The following PTPRM variants were observed in gnomAD, a reference collection of about 807,000 sequenced individuals.
The protein encoded by PTPRM is receptor-type tyrosine-protein phosphatase mu.
A neutral mutation model predicts 186.7 loss-of-function variants in PTPRM; 47 were observed. That is an observed-to-expected ratio of 0.25 (90% CI 0.20 to 0.32). PTPRM has a LOEUF of 0.32. PTPRM is among the 10% of genes least tolerant of loss of function. The pLI, the probability that PTPRM is intolerant of heterozygous loss-of-function variation, is 1.00. For synonymous variants in PTPRM, 668 were observed against 674.9 expected, an observed-to-expected ratio of 0.99 and a Z score of 0.16; for missense variants, 1,494 against 1,865.0, an observed-to-expected ratio of 0.80 and a Z score of 3.66.
rs115698083 is a variant in PTPRM, at chr18:8,141,507, A to C, written c.2168-2140A>C. Among the ~76,000 whole-genome samples, 1,214 of 151,862 alleles carry C rather than the reference A, an allele frequency of 8.0e-3. 11 individuals are homozygous for C. Among genetic ancestry groups the C allele is most frequent in the African/African-American group, 0.028 (1,171 of 41,382 alleles). The stretch of plus-strand genomic sequence containing the variant: ...AGGGGATGAAAGGCTGCAGGTAACC[A>C]CCCCTCCTTGGCCCAAAGCAGAATA... On this transcript the variant is annotated intron_variant, in intron 13 of 32. Coordinates refer to ENST00000580170, the MANE Select transcript of PTPRM (RefSeq NM_001105244.2).
At chr18:7,789,038 T>G (rs2043216672) in intron 2 of PTPRM, among the ~76,000 whole-genome samples, 1 of 152,170 alleles carries the variant, frequency 6.6e-6, no homozygotes, top group African/African-American at 2.4e-5. Flanking sequence ...AAGAATATCT[T>G]GGGCTGGGCA....
At chr18:7,805,804 G>A (rs1005510569) in intron 2 of PTPRM, among the ~76,000 whole-genome samples, 1 of 152,164 alleles carries the variant, frequency 6.6e-6, no homozygotes, top group African/African-American at 2.4e-5. Context: ...TGAGGAGGCT[G>A]TCTTTTTTTC....
chr18:7,889,220 A>G (rs2048935113), intron 3 of PTPRM, among the ~76,000 whole-genome samples: 1 of 152,146 alleles, frequency 6.6e-6, no homozygotes, highest in Admixed American at 6.5e-5. Context: ...AAAAAATACA[A>G]TTCAAAATTT....
At chr18:8,229,792 T>C (rs1301617811) in intron 14 of PTPRM, among the ~76,000 whole-genome samples, 2 of 152,216 alleles carry the variant, frequency 1.3e-5, no homozygotes, top group African/African-American at 4.8e-5. Flanking sequence ...ATGACTATTA[T>C]TTGAACCTCT....
chr18:8,296,494 C>G lies in PTPRM; in HGVS notation c.2842+39C>G, dbSNP rs988243183. 5 of 1,460,834 alleles carry G rather than the reference C, an allele frequency of 3.4e-6. No homozygotes were observed. In the African/African-American group the frequency reaches 7.0e-5, roughly 20 times the overall value. The allele number at this position is 1,460,834 out of a possible 1,614,324, so 90.5% of individuals were successfully genotyped here. A position where few individuals can be genotyped will look rare whatever the true frequency, so the allele number is the denominator to read the frequency against. ...GTGTCATTGTGCTGTTGTAGAACTT[C>G]CTTTTTGCATCTAGTAAGATTGACC... On this transcript the variant is annotated intron_variant, in intron 20 of 32. Coordinates refer to ENST00000580170, the MANE Select transcript of PTPRM (RefSeq NM_001105244.2).
chr18:7,713,732 G>T (rs2040262049), intron 1 of PTPRM, among the ~76,000 whole-genome samples: 1 of 150,688 alleles, frequency 6.6e-6, no homozygotes, highest in Non-Finnish European at 1.5e-5. Flanking sequence ...CGCAATCCTG[G>T]TTTCTGATAA....
In PTPRM at chr18:8,277,185, T is replaced by C. The variant is rs192619908; in HGVS notation, c.2755-19183T>C. ...CTCCTGGCCTCAAGTGAGCCACCCA[T>C]CTTGGCCTCCCAAAGTGCTCCTAAA... On this transcript the variant is annotated intron_variant, in intron 19 of 32. Coordinates refer to ENST00000580170, the MANE Select transcript of PTPRM (RefSeq NM_001105244.2). Among the ~76,000 whole-genome samples the C allele has an allele frequency of 1.3e-3, 205 of 152,274 alleles. 2 individuals are homozygous for C. The highest frequency in any genetic ancestry group is 4.8e-3 in the African/African-American group (199 of 41,560).
At chr18:7,908,803 G>C (rs1414694144) in intron 4 of PTPRM, among the ~76,000 whole-genome samples, 1 of 152,178 alleles carries the variant, frequency 6.6e-6, no homozygotes, top group African/African-American at 2.4e-5. Flanking sequence ...TTAGGAAGCA[G>C]AATGCAATTA....
chr18:8,302,659 C>G (rs2095172042), intron 20 of PTPRM, among the ~76,000 whole-genome samples: 2 of 151,818 alleles, frequency 1.3e-5, no homozygotes, highest in Admixed American at 1.3e-4. Context: ...AGTAATGGAC[C>G]CAACCGAAAG....
chr18:8,040,360 T>C (rs2086616731), intron 7 of PTPRM, among the ~76,000 whole-genome samples: 1 of 152,080 alleles, frequency 6.6e-6, no homozygotes. Flanking sequence ...TGTAGGATGG[T>C]TGGGTATGAC....
rs577510950 is a variant in PTPRM at position 8,187,422 on chromosome 18, G to C, written c.2300+43643G>C. 4.6e-5 allele frequency among the ~76,000 whole-genome samples: 7 copies of C among 152,334 alleles called. No individual in the cohort carries two copies. The East Asian group carries it at 1.4e-3, about 29-fold the overall frequency. On this transcript the variant is annotated intron_variant, in intron 14 of 32. Coordinates refer to ENST00000580170, the MANE Select transcript of PTPRM (RefSeq NM_001105244.2). ...ACTGGTAGAGCGGGCAAAGCCTGGT[G>C]GGCAAGGCGGTGGCAGACGTGGGCT...
At chr18:8,376,403 AAGC>A in intron 25 of PTPRM, 56 bp from the exon 26 acceptor site, 3 of 1,609,568 alleles carry the variant, frequency 1.9e-6, no homozygotes, top group Non-Finnish European at 2.5e-6. Flanking sequence ...AAAATTTAAA[AAGC>A]AGCAGCAGCA....
chr18:7,662,051 G>A (rs1357420321), intron 1 of PTPRM, among the ~76,000 whole-genome samples: 1 of 152,080 alleles, frequency 6.6e-6, no homozygotes, highest in East Asian at 1.9e-4. Flanking sequence ...CTGAATAGTG[G>A]GGACCACAGG....
At chr18:7,972,240 G>A (rs368465911) in intron 7 of PTPRM, among the ~76,000 whole-genome samples, 1 of 127,406 alleles carries the variant, frequency 7.8e-6, no homozygotes, top group African/African-American at 4.0e-5. Context: ...ATATTCTCAC[G>A]CATAGGTGGG....
At chr18:8,301,628 A>G (rs143257646) in intron 20 of PTPRM, among the ~76,000 whole-genome samples, 6 of 152,304 alleles carry the variant, frequency 3.9e-5, no homozygotes, top group Non-Finnish European at 1.5e-5. Flanking sequence ...TTCTTTCAAC[A>G]GATATTTGCT....
chr18:8,107,139 A>T (rs1351063564), intron 11 of PTPRM, among the ~76,000 whole-genome samples: 1 of 152,232 alleles, frequency 6.6e-6, no homozygotes, highest in Non-Finnish European at 1.5e-5. Context: ...TTATACTTTC[A>T]TAATCATGTG....
chr18:8,099,803 G>A (rs1244563671), intron 11 of PTPRM, among the ~76,000 whole-genome samples: 3 of 152,128 alleles, frequency 2.0e-5, no homozygotes, highest in African/African-American at 7.2e-5. Flanking sequence ...AGAACACGTG[G>A]CACAGACACA....
intron 2 of PTPRM, among the ~76,000 whole-genome samples, chr18:7,842,947 T>TATAGAGAGAGAGAGAGAGAGAG (rs370746043): frequency 8.9e-6 from 1 of 112,118 alleles, no homozygotes; most frequent in African/African-American, 4.2e-5. Flanking sequence ...TATATATATA[T>TATAGAGAGAGAGAGAGAGAGAG]AGAGAGAGAG....
intron 2 of PTPRM, among the ~76,000 whole-genome samples, chr18:7,859,469 C>G (rs1451914023): frequency 3.3e-5 from 5 of 152,224 alleles, no homozygotes; most frequent in Non-Finnish European, 7.3e-5. Flanking sequence ...ACTCTGATGT[C>G]ACTTGTGATC....
Sources: allele counts gnomAD v4.1 joint callset (sites outside exome capture counted in the v4.1 genomes callset), GRCh38; gene constraint gnomAD v4.1.1; transcripts MANE v1.5; gene names NCBI Gene and HGNC (gene_info 2026-07-23, HGNC 2026-07-21).